GRID2: variants seen among roughly 807,000 people sequenced by gnomAD.
GRID2 encodes the protein glutamate ionotropic receptor delta type subunit 2, also known as glutamate receptor ionotropic, delta-2.
GRID2 carries 33 observed loss-of-function variants against 114.8 expected under a neutral mutation model. The ratio of observed to expected loss-of-function variants is 0.29; its 90% confidence interval spans 0.22 to 0.38. The LOEUF is 0.38. Ranked by LOEUF, GRID2 falls within the 10% of genes least tolerant of loss-of-function variation. The probability of loss-of-function intolerance (pLI) is 1.00; values close to 1 mark genes in which losing one functional copy is unlikely to be tolerated. For missense variants in GRID2, 1,184 were observed against 1,257.7 expected (o/e 0.94, Z 0.89); for synonymous variants, 505 against 449.9 (o/e 1.12, Z -1.55).
chr4:93,001,247 G>A (rs1720946807), intron 2 of GRID2, among the ~76,000 whole-genome samples: 2 of 151,434 alleles, frequency 1.3e-5, no homozygotes, highest in South Asian at 4.1e-4. Context: ...AATGTTATGT[G>A]TAAACACACA....
chr4:92,966,605 A>C (rs900612031), intron 2 of GRID2, among the ~76,000 whole-genome samples: 1 of 151,872 alleles, frequency 6.6e-6, no homozygotes, highest in Admixed American at 6.6e-5. Flanking sequence ...GTGGTGAATA[A>C]GTCTCACAAG....
At chr4:92,316,010 A>AG (rs1042895653) in intron 1 of GRID2, among the ~76,000 whole-genome samples, 2 of 150,772 alleles carry the variant, frequency 1.3e-5, no homozygotes, top group Non-Finnish European at 3.0e-5. Context: ...AAAAAAAAAA[A>AG]AAAAGAAAAG....
At chr4:92,475,114 TATAATAATAATAATAA>T (rs1186787577) in intron 1 of GRID2, among the ~76,000 whole-genome samples, 16 of 132,688 alleles carry the variant, frequency 1.2e-4, no homozygotes, top group South Asian at 2.5e-4. Flanking sequence ...AAACTTAAAG[TATAATAATAATAATAA>T]ATAATAATAA....
intron 8 of GRID2, among the ~76,000 whole-genome samples, chr4:93,340,389 T>TA (rs1759528991): frequency 6.6e-6 from 1 of 152,032 alleles, no homozygotes; most frequent in African/African-American, 2.4e-5. Flanking sequence ...GTTAATCATT[T>TA]AAAATTTCTT....
intron 8 of GRID2, among the ~76,000 whole-genome samples, chr4:93,348,165 A>G (rs948155934): frequency 1.2e-4 from 18 of 152,146 alleles, no homozygotes; most frequent in Admixed American, 4.6e-4. Flanking sequence ...TTCTAACCAT[A>G]TATCTACTAT....
At chr4:92,903,212 A>G (rs985752684) in intron 2 of GRID2, among the ~76,000 whole-genome samples, 2 of 151,488 alleles carry the variant, frequency 1.3e-5, no homozygotes, top group African/African-American at 4.8e-5. Context: ...CCATTTGTTC[A>G]TGTCATCTAA....
At chr4:92,760,630 G>T (rs1372704466) in intron 2 of GRID2, among the ~76,000 whole-genome samples, 1 of 152,128 alleles carries the variant, frequency 6.6e-6, no homozygotes, top group South Asian at 2.1e-4. Context: ...TGCCAAATTG[G>T]TGTTGACCCT....
At chr4:93,170,051 G>T (rs977124949) in intron 4 of GRID2, among the ~76,000 whole-genome samples, 8 of 152,058 alleles carry the variant, frequency 5.3e-5, no homozygotes, top group African/African-American at 9.7e-5. Context: ...GCAATAATTA[G>T]ATTTCAAGTA....
chr4:93,224,891 G>A, intron 7 of GRID2, 116 bp downstream of exon 7: 3 of 694,576 alleles, frequency 4.3e-6, no homozygotes, highest in Admixed American at 3.1e-5. Flanking sequence ...CAGTGTAATG[G>A]GGAAATTAAA....
At chr4:92,511,903 T>G (rs1724269849) in intron 1 of GRID2, among the ~76,000 whole-genome samples, 1 of 151,852 alleles carries the variant, frequency 6.6e-6, no homozygotes, top group Admixed American at 6.6e-5. Flanking sequence ...ATCACTACCA[T>G]CCCTCTCTAG....
chr4:92,871,474 T>C (rs1025482295), intron 2 of GRID2, among the ~76,000 whole-genome samples: 2 of 152,168 alleles, frequency 1.3e-5, no homozygotes, highest in African/African-American at 2.4e-5. Flanking sequence ...GTTGAGTTAA[T>C]TGATTACAAT....
chr4:92,631,806 A>G (rs939289675), intron 2 of GRID2, among the ~76,000 whole-genome samples: 1 of 152,288 alleles, frequency 6.6e-6, no homozygotes, highest in African/African-American at 2.4e-5. Context: ...TGATATCTAC[A>G]TTGATATAGG....
intron 1 of GRID2, among the ~76,000 whole-genome samples, chr4:92,487,260 T>C (rs1722941139): frequency 1.3e-5 from 2 of 152,036 alleles, no homozygotes; most frequent in South Asian, 4.1e-4. Context: ...AGTTTCTTAA[T>C]ATAGAAGCAT....
At chr4:92,824,173 G>C (rs938423659) in intron 2 of GRID2, among the ~76,000 whole-genome samples, 3 of 152,082 alleles carry the variant, frequency 2.0e-5, no homozygotes, top group African/African-American at 7.2e-5. Flanking sequence ...GTAGATAAAG[G>C]CATTTTTGCC....
At chr4:93,212,273 G>T (rs1282601807) in intron 5 of GRID2, among the ~76,000 whole-genome samples, 1 of 152,110 alleles carries the variant, frequency 6.6e-6, no homozygotes, top group African/African-American at 2.4e-5. Context: ...AGTTTTTAAA[G>T]GAGGGAATAT....
At chr4:92,873,476 A>G (rs1481732193) in intron 2 of GRID2, among the ~76,000 whole-genome samples, 1 of 152,076 alleles carries the variant, frequency 6.6e-6, no homozygotes, top group Non-Finnish European at 1.5e-5. Context: ...TTAAAATTGG[A>G]CTTGAACTCA....
intron 1 of GRID2, among the ~76,000 whole-genome samples, chr4:93,802,530 G>A (rs1235331502): frequency 6.6e-6 from 1 of 152,098 alleles, no homozygotes; most frequent in Non-Finnish European, 1.5e-5. Context: ...AATGACCAAA[G>A]TCCCAAGAAA....
At chr4:93,565,531 A>C (rs1282943218) in intron 13 of GRID2, among the ~76,000 whole-genome samples, 2 of 152,144 alleles carry the variant, frequency 1.3e-5, no homozygotes, top group African/African-American at 4.8e-5. Context: ...GCACGAAAAA[A>C]CCTATTGTAT....
At chr4:92,441,803 T>C (rs1184363288) in intron 1 of GRID2, among the ~76,000 whole-genome samples, 1 of 151,950 alleles carries the variant, frequency 6.6e-6, no homozygotes, top group Non-Finnish European at 1.5e-5. Flanking sequence ...TATCTTATAC[T>C]TGTGGGTTAA....
Sources: allele counts gnomAD v4.1 joint callset (sites outside exome capture counted in the v4.1 genomes callset), GRCh38; gene constraint gnomAD v4.1.1; transcripts MANE v1.5; gene names NCBI Gene and HGNC (gene_info 2026-07-23, HGNC 2026-07-21).